DLC1: variants seen among roughly 807,000 people sequenced by gnomAD.
DLC1 encodes DLC1 Rho GTPase activating protein, also known as rho GTPase-activating protein 7.
A neutral mutation model predicts 140.3 loss-of-function variants in DLC1; 54 were observed. The ratio of observed to expected loss-of-function variants is 0.38; its 90% CI spans 0.31 to 0.48. The LOEUF (loss-of-function observed/expected upper bound fraction) is 0.48. Among genes scored for constraint, DLC1 ranks in the 20% least tolerant of loss-of-function variants. DLC1 has a pLI of 0.96. For synonymous variants in DLC1, 986 were observed against 728.1 expected (o/e 1.35, Z -5.70); for missense variants, 2,536 against 1,907.0 (o/e 1.33, Z -6.14).
At chr8:13,207,494 A>G (rs1827724783) in intron 5 of DLC1, among the ~76,000 whole-genome samples, 3 of 152,180 alleles carry the variant, frequency 2.0e-5, no homozygotes, top group South Asian at 2.1e-4. Context: ...AACTTCAAGC[A>G]TATTCTGTCA....
At chr8:13,448,978 G>A (rs1296356645) in intron 2 of DLC1, among the ~76,000 whole-genome samples, 2 of 152,006 alleles carry the variant, frequency 1.3e-5, no homozygotes, top group Non-Finnish European at 2.9e-5. Context: ...AGACATTTTT[G>A]TTTAGAGAAC....
rs920053593 is a variant in DLC1 at position 13,579,343 on chromosome 8, A to T, written c.-126+25194T>A. 5.6e-3 allele frequency among the ~76,000 whole-genome samples: 162 copies of T among 28,884 alleles called. 25 individuals carry two copies. Among genetic ancestry groups the T allele is most frequent in the Middle Eastern group, 0.023 (1 of 44 alleles). The allele number at this position is 28,884 out of a possible 152,430, so 18.9% of individuals were successfully genotyped here. A position where few individuals can be genotyped will look rare whatever the true frequency, so the allele number is the denominator to read the frequency against. ...TATATATATATATATATATATATATATATATATATATATATATATTTTTAT... is the reference window on the plus strand; with the variant it reads ...TATATATATATATATATATATATATTTATATATATATATATATATTTTTAT... On this transcript the variant is annotated intron_variant, in intron 1 of 1. Transcript: ENST00000631382.
intron 1 of DLC1, among the ~76,000 whole-genome samples, chr8:13,549,846 A>C (rs1347765476): frequency 6.6e-6 from 1 of 152,170 alleles, no homozygotes; most frequent in East Asian, 1.9e-4. Flanking sequence ...ATGGTCTAGC[A>C]ACATGTTACC....
At position 13,569,565 on chromosome 8, in the gene DLC1, G is replaced by A. The variant is rs78049761; in HGVS notation, c.-126+34972C>T. Among the ~76,000 whole-genome samples, 575 of 152,146 alleles carry A rather than the reference G, an allele frequency of 3.8e-3. 4 individuals carry two copies. Among genetic ancestry groups the A allele is most frequent in the African/African-American group, 0.013 (555 of 41,500 alleles). ...TTAGAATTCCCCCATTAAAGGGCAT[G>A]CTCCACCCTTTTAGTCAACCAAGCT... On this transcript the variant is annotated intron_variant, in intron 1 of 1. Coordinates refer to the DLC1 transcript ENST00000631382.
At chr8:13,415,932 C>G (rs1838035330) in intron 2 of DLC1, among the ~76,000 whole-genome samples, 1 of 152,148 alleles carries the variant, frequency 6.6e-6, no homozygotes, top group African/African-American at 2.4e-5. Flanking sequence ...CTCGAAATTT[C>G]TCCTGGGAAG....
intron 4 of DLC1, among the ~76,000 whole-genome samples, chr8:13,323,308 A>C (rs1449630187): frequency 6.6e-6 from 1 of 152,248 alleles, no homozygotes; most frequent in African/African-American, 2.4e-5. Context: ...CTATGACTCA[A>C]CTAAAAGTGC....
chr8:13,183,335 A>G (rs1004566887), intron 5 of DLC1, among the ~76,000 whole-genome samples: 24 of 152,208 alleles, frequency 1.6e-4, no homozygotes, highest in Non-Finnish European at 3.2e-4. Flanking sequence ...TGCCCTGGCC[A>G]GAACTTCCAA....
chr8:13,583,364 C>A (rs1410297096), intron 1 of DLC1, among the ~76,000 whole-genome samples: 1 of 152,156 alleles, frequency 6.6e-6, no homozygotes, highest in Non-Finnish European at 1.5e-5. Context: ...TCTCAAGAAG[C>A]CGCTTTCTTT....
chr8:13,443,657 C>CAAA (rs11321891), intron 2 of DLC1, among the ~76,000 whole-genome samples: 2,502 of 66,906 alleles, frequency 0.037, 103 homozygotes, highest in African/African-American at 0.11. Context: ...GACTCCGTCT[C>CAAA]AAAAAAAAAA....
chr8:13,359,315 A>G (rs1435496546), intron 4 of DLC1, among the ~76,000 whole-genome samples: 6 of 152,134 alleles, frequency 3.9e-5, no homozygotes, highest in Non-Finnish European at 8.8e-5. Flanking sequence ...GGAATTCCTT[A>G]TTTGTATCCT....
chr8:13,514,090 T>C (rs139538717), intron 1 of DLC1, among the ~76,000 whole-genome samples: 55 of 152,230 alleles, frequency 3.6e-4, no homozygotes, highest in African/African-American at 1.3e-3. Flanking sequence ...TGACATATGA[T>C]TGAAACTGGC....
At chr8:13,267,771 T>TGTGC (rs1830751732) in intron 5 of DLC1, among the ~76,000 whole-genome samples, 1 of 139,492 alleles carries the variant, frequency 7.2e-6, no homozygotes, top group Non-Finnish European at 1.6e-5. Flanking sequence ...TGTGTGTGTG[T>TGTGC]GCAATTGCCT....
intron 2 of DLC1, among the ~76,000 whole-genome samples, chr8:13,497,279 T>C (rs901828559): frequency 2.0e-5 from 3 of 152,180 alleles, no homozygotes; most frequent in Non-Finnish European, 2.9e-5. Context: ...CATCCAATAA[T>C]GCATAAAACA....
rs185118143 is a variant in DLC1, at chr8:13,474,347, T to G, written c.1023+24702A>C. ...ACCTCTGCCTAGATTTCAGAGGATGTATGGAAACACCTGGATGTCCAGGAA... is the reference window on the plus strand; with the variant it reads ...ACCTCTGCCTAGATTTCAGAGGATGGATGGAAACACCTGGATGTCCAGGAA... On this transcript the variant is annotated intron_variant, in intron 2 of 17. Transcript: ENST00000276297. 1.9e-3 allele frequency among the ~76,000 whole-genome samples: 296 copies of G among 152,266 alleles called. 3 individuals are homozygous for G. Among genetic ancestry groups the G allele is most frequent in the African/African-American group, 6.8e-3 (282 of 41,538 alleles).
intron 10 of DLC1, chr8:13,095,504 T>G: frequency 2.1e-6 from 1 of 476,590 alleles, no homozygotes. Context: ...TCCAGACAGT[T>G]CTCCTGGACA....
intron 1 of DLC1, among the ~76,000 whole-genome samples, chr8:13,564,049 G>A (rs1804338446): frequency 6.6e-6 from 1 of 152,062 alleles, no homozygotes; most frequent in Non-Finnish European, 1.5e-5. Flanking sequence ...CTTAAAATCA[G>A]TATTTGTGGC....
chr8:13,374,329 A>G (rs1188874350), intron 4 of DLC1, among the ~76,000 whole-genome samples: 2 of 152,110 alleles, frequency 1.3e-5, no homozygotes, highest in East Asian at 3.9e-4. Context: ...TTGATAAACA[A>G]TAGAATTTTA....
At chr8:13,129,252 G>A (rs1585715920) in intron 5 of DLC1, among the ~76,000 whole-genome samples, 1 of 152,168 alleles carries the variant, frequency 6.6e-6, no homozygotes, top group East Asian at 1.9e-4. Context: ...ACCTCCCTCT[G>A]CATTCATCCA....
At chr8:13,147,124 T>C (rs1038369666) in intron 5 of DLC1, among the ~76,000 whole-genome samples, 1 of 152,230 alleles carries the variant, frequency 6.6e-6, no homozygotes, top group South Asian at 2.1e-4. Flanking sequence ...ATATTCTTTG[T>C]CCTTGCTAGG....
Sources: allele counts gnomAD v4.1 joint callset (sites outside exome capture counted in the v4.1 genomes callset), GRCh38; gene constraint gnomAD v4.1.1; transcripts MANE v1.5; gene names NCBI Gene and HGNC (gene_info 2026-07-23, HGNC 2026-07-21).